Variants in CGA observed in about 807,000 individuals in gnomAD.
CGA encodes the protein glycoprotein hormones alpha chain.
Under a neutral mutation model 12.0 loss-of-function variants are expected in CGA, and 4 were observed. The ratio of observed to expected loss-of-function variants is 0.33; its 90% CI spans 0.16 to 0.76. The LOEUF is 0.76. CGA is among the 30% of genes least tolerant of loss of function. The pLI is 0.60. For synonymous variants in CGA, 60 were observed against 56.6 expected, an observed-to-expected ratio of 1.06 and a Z score of -0.27; for missense variants, 102 against 143.5, an observed-to-expected ratio of 0.71 and a Z score of 1.48.
At chr6:87,093,406 A>G (rs1769476876) in intron 1 of CGA, among the ~76,000 whole-genome samples, 1 of 152,210 alleles carries the variant, frequency 6.6e-6, no homozygotes, top group South Asian at 2.1e-4. Context: ...CATTTCTACA[A>G]TGTTATCTCT....
rs542585802 is a variant in CGA at position 87,094,607 on chromosome 6, AT to A, written c.-8+405del. On this transcript the variant is annotated intron_variant, in intron 1 of 3. Transcript: ENST00000627148. ...AGCTGAACAAGTGAACCACTTTATCATGGGCCAGCTTGAAGATATAGCTATA... is the reference window on the plus strand; with the variant it reads ...AGCTGAACAAGTGAACCACTTTATCAGGGCCAGCTTGAAGATATAGCTATA... Among the ~76,000 whole-genome samples the A allele has an allele frequency of 2.4e-4, 36 of 152,358 alleles. No homozygotes were observed. In the Middle Eastern group the frequency reaches 0.014, roughly 58 times the overall value.
chr6:87,094,881 C>T (rs1769508796), intron 1 of CGA, 132 bp downstream of exon 1: 1 of 152,134 alleles, frequency 6.6e-6, no homozygotes, highest in South Asian at 2.1e-4. Flanking sequence ...ATCATAAGTG[C>T]TGAAAAGAGA....
intron 2 of CGA, among the ~76,000 whole-genome samples, chr6:87,087,356 A>G (rs995532224): frequency 1.3e-5 from 2 of 152,214 alleles, no homozygotes; most frequent in Non-Finnish European, 2.9e-5. Context: ...CTCTATCCCA[A>G]TGCTAACAGT....
intron 3 of CGA, 117 bp downstream of exon 3, chr6:87,086,133 A>C: frequency 2.2e-6 from 2 of 900,672 alleles, no homozygotes; most frequent in East Asian, 4.8e-5. Context: ...ACCTGTACAA[A>C]TGCTCGACAG....
At chr6:87,088,059 C>A in intron 2 of CGA, 54 bp downstream of exon 2, 1 of 943,428 alleles carries the variant, frequency 1.1e-6, no homozygotes, top group Non-Finnish European at 1.6e-6. Context: ...TATTGATGTA[C>A]ATCTAGAAAT....
intron 1 of CGA, among the ~76,000 whole-genome samples, chr6:87,091,930 G>A (rs1769439604): frequency 6.6e-6 from 1 of 152,128 alleles, no homozygotes; most frequent in Admixed American, 6.5e-5. Flanking sequence ...AATTAGAAAT[G>A]GGATCTCGAG....
rs1273661883 is a variant in CGA at position 87,085,722 on chromosome 6, T to G, written c.*34A>C. The G allele has an allele frequency of 7.0e-7, 1 of 1,426,374 alleles. No homozygotes were observed. 88.4% of individuals were successfully genotyped at this position (1,426,374 alleles called of 1,614,324 possible). A position where few individuals can be genotyped will look rare whatever the true frequency, so the allele number is the denominator to read the frequency against. On this transcript the variant is annotated 3_prime_UTR_variant, in exon 4 of 4. Coordinates refer to ENST00000627148, the MANE Select transcript of CGA (RefSeq NM_000735.4). ...CAACTTAATTTTCCATTCCAGAAAA[T>G]CAGCAGTCATCAAGACAGCACTTGG...
intron 3 of CGA, 166 bp downstream of exon 3, chr6:87,086,084 A>C (rs1769316612): frequency 1.6e-5 from 11 of 685,674 alleles, no homozygotes; most frequent in East Asian, 1.1e-4. Context: ...CCCACAAGAC[A>C]ATTGACTCTT....
chr6:87,089,081 C>G (rs1041931853), intron 1 of CGA: 2 of 152,160 alleles, frequency 1.3e-5, no homozygotes, highest in African/African-American at 4.8e-5. Flanking sequence ...AATGAACACA[C>G]TATTGATACA....
intron 2 of CGA, chr6:87,086,719 G>A (rs1582318868): frequency 1.0e-5 from 3 of 298,502 alleles, no homozygotes; most frequent in South Asian, 7.5e-5. Flanking sequence ...CTGGGAGGTC[G>A]AGGCTACAGT....
chr6:87,094,953 A>C (rs1168702854), intron 1 of CGA, 60 bp downstream of exon 1: 1 of 152,218 alleles, frequency 6.6e-6, no homozygotes, highest in Non-Finnish European at 1.5e-5. Context: ...AATCTTCCTC[A>C]TATTCTCAAA....
Position 87,085,817 on chromosome 6 carries a change from C to A in CGA, c.290G>T (p.Gly97Val). Residue 97 changes from glycine to valine, a missense_variant, in exon 4 of 4, where the codon GGT becomes GTT. Physicochemically the swap from Gly to Val is moderately radical, Grantham distance 109. Coordinates refer to ENST00000627148, the MANE Select transcript of CGA (RefSeq NM_000735.4). The stretch of plus-strand genomic sequence containing the variant: ...CGCCGTGTGGTTCTCCACTTTGAAA[C>A]CCCCCATTACTGTGACCTAAAGGGG... ...KSYNRVTVMG[G>V]FKVENHTACH... 6.2e-7 allele frequency: 1 copy of A among 1,608,146 alleles called. No homozygotes were observed. The highest frequency in any genetic ancestry group is 8.5e-7 in the Non-Finnish European group (1 of 1,174,990).
rs1430630880 is a variant in CGA, at chr6:87,088,158, A to G, written c.43T>C (p.Leu15=). The change falls in exon 2 of 4, where the codon TTG becomes CTG. Residue 15 remains leucine, a synonymous_variant. Transcript: ENST00000627148. ...TGGAGAACATGCAGAAACACCGACA[A>G]TGTGACCAGAAAGATAGCTGCATAT... ...RKYAAIFLVT[L]SVFLHVLHSA... 4.4e-6 allele frequency: 7 copies of G among 1,598,852 alleles called. No individual in the cohort carries two copies. Among genetic ancestry groups the G allele is most frequent in the African/African-American group, 1.4e-5 (1 of 73,508 alleles).
chr6:87,093,568 G>C (rs776957230), intron 1 of CGA, among the ~76,000 whole-genome samples: 6 of 152,176 alleles, frequency 3.9e-5, no homozygotes, highest in Admixed American at 2.0e-4. Flanking sequence ...GAAGTTTGGT[G>C]CTATGAACCA....
At chr6:87,086,830 C>G (rs1407774397) in intron 2 of CGA, among the ~76,000 whole-genome samples, 2 of 151,508 alleles carry the variant, frequency 1.3e-5, no homozygotes, top group Non-Finnish European at 2.9e-5. Context: ...GTAATCCGAG[C>G]ACTTTGGGAG....
At chr6:87,087,959 T>C in intron 2 of CGA, 154 bp downstream of exon 2, 1 of 418,320 alleles carries the variant, frequency 2.4e-6, no homozygotes, top group East Asian at 3.5e-5. Flanking sequence ...AATTTAATTT[T>C]ATGTTCACAA....
intron 1 of CGA, among the ~76,000 whole-genome samples, chr6:87,093,387 A>T (rs1582323250): frequency 6.6e-6 from 1 of 152,224 alleles, no homozygotes; most frequent in East Asian, 1.9e-4. Flanking sequence ...AGTGTTAAAG[A>T]TGCTGGATCA....
intron 1 of CGA, among the ~76,000 whole-genome samples, chr6:87,092,327 A>T (rs1200047110): frequency 6.6e-6 from 1 of 152,138 alleles, no homozygotes; most frequent in Non-Finnish European, 1.5e-5. Flanking sequence ...TGCTTAGATC[A>T]GGAATATAGC....
Position 87,086,260 on chromosome 6 carries a change from G to A in CGA, c.263C>T (p.Ser88Leu). Reference sequence around the variant, plus strand: ...TCTTGAGGTTCTTACCCTGTTATATGATTTAGCTACACAGCAAGTGGACTC... The same window carrying A: ...TCTTGAGGTTCTTACCCTGTTATATAATTTAGCTACACAGCAAGTGGACTC... The part of the protein sequence containing the change: ...TSESTCCVAK[S>L]YNRVTVMGGF... Residue 88 changes from serine (S) to leucine (L), a missense_variant, in exon 3 of 4, where the codon TCA becomes TTA. Coordinates refer to ENST00000627148, the MANE Select transcript of CGA (RefSeq NM_000735.4). The A allele has an allele frequency of 3.1e-6, 5 of 1,611,854 alleles. No individual in the cohort carries two copies. The South Asian group carries it at 5.5e-5, about 18-fold the overall frequency.
Sources: gnomAD v4.1 joint callset for allele counts (sites outside exome capture counted in the v4.1 genomes callset) on GRCh38, gnomAD v4.1.1 for gene constraint, MANE v1.5 for transcripts, NCBI Gene and HGNC (gene_info 2026-07-23, HGNC 2026-07-21) for gene names.